Variants in AP4E1 observed in about 807,000 individuals in gnomAD.
The protein encoded by AP4E1 is AP-4 complex subunit epsilon-1.
AP4E1 carries 56 observed loss-of-function variants against 128.2 expected under a neutral mutation model. The observed-to-expected ratio is 0.44, with a 90% confidence interval of 0.35 to 0.55. The LOEUF (loss-of-function observed/expected upper bound fraction) is 0.55, where lower values mean the gene tolerates loss of function less well. Among genes scored for constraint, AP4E1 ranks in the 20% least tolerant of loss-of-function variants. AP4E1 has a pLI of 0.00. For synonymous variants in AP4E1, 484 were observed against 473.1 expected (o/e 1.02, Z -0.30); for missense variants, 1,324 against 1,307.7 (o/e 1.01, Z -0.19).
intron 5 of AP4E1, among the ~76,000 whole-genome samples, chr15:50,926,440 A>G (rs1440859995): frequency 2.0e-5 from 3 of 151,752 alleles, no homozygotes; most frequent in African/African-American, 4.8e-5. Flanking sequence ...CTGGCCCATA[A>G]TTTTTAAAGT....
At chr15:50,975,153 C>T (rs542608911) in intron 15 of AP4E1, among the ~76,000 whole-genome samples, 2 of 152,304 alleles carry the variant, frequency 1.3e-5, no homozygotes, top group Admixed American at 6.5e-5. Flanking sequence ...CACCTGTAAT[C>T]CCAGTACTTT....
At chr15:50,925,546 GT>G (rs2063757535) in intron 5 of AP4E1, among the ~76,000 whole-genome samples, 3 of 151,780 alleles carry the variant, frequency 2.0e-5, no homozygotes, top group South Asian at 4.2e-4. Context: ...TACCAAAGTT[GT>G]TTTGGGGATA....
At chr15:50,940,490 A>G (rs962041118) in intron 8 of AP4E1, among the ~76,000 whole-genome samples, 3 of 152,216 alleles carry the variant, frequency 2.0e-5, no homozygotes, top group Non-Finnish European at 2.9e-5. Flanking sequence ...TATTTTGTAC[A>G]TAAAGAGAAT....
At position 50,908,806 on chromosome 15, in the gene AP4E1, A is replaced by C. The variant is rs778137187; in HGVS notation, c.28A>C (p.Thr10Pro). 23 of 1,599,840 alleles carry C rather than the reference A, an allele frequency of 1.4e-5. No homozygotes were observed. Among genetic ancestry groups the C allele is most frequent in the East Asian group, 6.8e-5 (3 of 44,198 alleles). Reference sequence around the variant, plus strand: ...GAGCGACATAGTGGAGAAGACGCTGACGGCGCTGCCGGGACTCTTTCTGCA... The same window carrying C: ...GAGCGACATAGTGGAGAAGACGCTGCCGGCGCTGCCGGGACTCTTTCTGCA... Reference protein sequence around the residue: MSDIVEKTLTALPGLFLQNQ... With the variant: MSDIVEKTLPALPGLFLQNQ... The change falls in exon 1 of 21, where the codon ACG becomes CCG. Residue 10 changes from threonine to proline, a missense_variant. Coordinates refer to ENST00000261842, the MANE Select transcript of AP4E1 (RefSeq NM_007347.5).
intron 3 of AP4E1, among the ~76,000 whole-genome samples, chr15:50,920,008 C>T (rs577146488): frequency 7.6e-5 from 10 of 130,802 alleles, no homozygotes; most frequent in Non-Finnish European, 1.1e-4. Flanking sequence ...ACCTGGGAGG[C>T]GGAGATTGTG....
At chr15:50,951,650 T>A (rs2064151285) in intron 13 of AP4E1, among the ~76,000 whole-genome samples, 1 of 152,134 alleles carries the variant, frequency 6.6e-6, no homozygotes, top group Non-Finnish European at 1.5e-5. Context: ...ATTTTTCTTT[T>A]CTCATCTGCA....
At chr15:50,972,198 G>GTTTC (rs145100423) in intron 15 of AP4E1, among the ~76,000 whole-genome samples, 21 of 151,086 alleles carry the variant, frequency 1.4e-4, no homozygotes, top group African/African-American at 3.4e-4. Flanking sequence ...TCTTCATGTA[G>GTTTC]TTTCTTTCTT....
At chr15:50,948,978 A>G (rs2064107308) in intron 11 of AP4E1, among the ~76,000 whole-genome samples, 3 of 152,030 alleles carry the variant, frequency 2.0e-5, no homozygotes, top group Non-Finnish European at 4.4e-5. Flanking sequence ...GTCTCAAAAA[A>G]AAAAAAAAAA....
intron 10 of AP4E1, among the ~76,000 whole-genome samples, chr15:50,942,630 A>G: frequency 6.7e-6 from 1 of 148,796 alleles, no homozygotes; most frequent in East Asian, 1.9e-4. Flanking sequence ...AGCATATACT[A>G]TATGTTACTT....
intron 15 of AP4E1, among the ~76,000 whole-genome samples, chr15:50,975,482 A>G (rs890025635): frequency 6.6e-6 from 1 of 152,190 alleles, no homozygotes; most frequent in Non-Finnish European, 1.5e-5. Context: ...TGTATGGTAT[A>G]AGATAAAGCT....
chr15:50,934,651 T>C lies in AP4E1; in HGVS notation c.897T>C (p.Leu299=), dbSNP rs111666207. 17 of 1,609,030 alleles carry C rather than the reference T, an allele frequency of 1.1e-5. No individual in the cohort carries two copies. Among genetic ancestry groups the C allele is most frequent in the Admixed American group, 1.7e-5 (1 of 59,964 alleles). The change falls in exon 8 of 21, where the codon CTT becomes CTC. Residue 299 remains leucine (L), a synonymous_variant. Transcript: ENST00000261842. ...CAAGTGAATTAATGTATGATGTTCT[T>C]GATGAATCCTTACGAAGAGCTGAGT... ...QRTSELMYDV[L]DESLRRAELN...
chr15:50,930,406 G>A (rs1268380569), intron 6 of AP4E1, among the ~76,000 whole-genome samples: 4 of 149,296 alleles, frequency 2.7e-5, no homozygotes, highest in Admixed American at 6.8e-5. Flanking sequence ...AAGTCTTTTG[G>A]AAACAGAGTT....
intron 8 of AP4E1, among the ~76,000 whole-genome samples, chr15:50,938,029 G>A (rs530686416): frequency 8.5e-5 from 13 of 152,108 alleles, no homozygotes; most frequent in Non-Finnish European, 1.8e-4. Flanking sequence ...GTAGATAGAA[G>A]TACTTTTCCG....
chr15:50,923,202 A>G (rs551640146), intron 3 of AP4E1, among the ~76,000 whole-genome samples: 3 of 152,354 alleles, frequency 2.0e-5, no homozygotes, highest in South Asian at 2.1e-4. Flanking sequence ...GTTATTATCA[A>G]TGTGAAGCCT....
At chr15:50,907,527 T>C (rs953811067), upstream of AP4E1, among the ~76,000 whole-genome samples, 8 of 152,074 alleles carry the variant, frequency 5.3e-5, no homozygotes, top group African/African-American at 1.9e-4. Context: ...TATCACCACC[T>C]ACCTAACCTA....
chr15:50,956,961 A>G (rs1243008777), intron 13 of AP4E1, among the ~76,000 whole-genome samples: 2 of 152,004 alleles, frequency 1.3e-5, no homozygotes, highest in Non-Finnish European at 2.9e-5. Context: ...AGCCAGAGTG[A>G]GTCGCTTTTG....
chr15:50,947,287 G>A (rs539051764), intron 10 of AP4E1, among the ~76,000 whole-genome samples: 10 of 151,716 alleles, frequency 6.6e-5, no homozygotes, highest in South Asian at 2.1e-4. Flanking sequence ...ATGGTGGCAC[G>A]TGCCTGTAGT....
chr15:50,931,534 C>T (rs941758526), intron 7 of AP4E1, among the ~76,000 whole-genome samples: 1 of 152,022 alleles, frequency 6.6e-6, no homozygotes, highest in South Asian at 2.1e-4. Flanking sequence ...CCACTGCACT[C>T]CAGCCTGGGT....
rs117835403 is a variant in AP4E1 at position 50,936,504 on chromosome 15, A to G, written c.943+1807A>G. On this transcript the variant is annotated intron_variant, in intron 8 of 20. Transcript: ENST00000261842. ...TACAAAAGGGTATACAATGAACAGT[A>G]AGTGTCCTTTCCACCCTTATCACCC... 9.3e-4 allele frequency among the ~76,000 whole-genome samples: 141 copies of G among 152,232 alleles called. No individual in the cohort carries two copies. In the East Asian group the frequency reaches 0.026, roughly 28 times the overall value.
Sources: gnomAD v4.1 joint callset for allele counts (sites outside exome capture counted in the v4.1 genomes callset) on GRCh38, gnomAD v4.1.1 for gene constraint, MANE v1.5 for transcripts, NCBI Gene and HGNC (gene_info 2026-07-23, HGNC 2026-07-21) for gene names.